MAML3: variants seen among roughly 807,000 people sequenced by gnomAD.
MAML3 encodes the protein mastermind like transcriptional coactivator 3.
Under a neutral mutation model 101.9 loss-of-function variants are expected in MAML3, and 27 were observed. The ratio of observed to expected loss-of-function variants is 0.27; its 90% CI spans 0.20 to 0.37. The LOEUF is 0.37. Among genes scored for constraint, MAML3 ranks in the 10% least tolerant of loss-of-function variants. The pLI is 1.00. For synonymous variants in MAML3, 501 were observed against 555.9 expected (o/e 0.90, Z 1.39); for missense variants, 1,316 against 1,444.9 (o/e 0.91, Z 1.45).
At chr4:140,082,663 C>T (rs1295656751) in intron 1 of MAML3, among the ~76,000 whole-genome samples, 1 of 152,080 alleles carries the variant, frequency 6.6e-6, no homozygotes, top group Non-Finnish European at 1.5e-5. Context: ...TCACACGGGG[C>T]GGGCACAAAG....
chr4:140,152,203 G>A lies in MAML3; in HGVS notation c.468+657C>T, dbSNP rs547697551. 2.0e-3 allele frequency among the ~76,000 whole-genome samples: 299 copies of A among 152,260 alleles called. 1 individual carries two copies. The highest frequency in any genetic ancestry group is 1.6e-3 in the East Asian group (8 of 5,148). On this transcript the variant is annotated intron_variant, in intron 1 of 4. Coordinates refer to ENST00000509479, the MANE Select transcript of MAML3 (RefSeq NM_018717.5). The stretch of plus-strand genomic sequence containing the variant: ...GCGCCCCGCATCCGCGCGCGCTCCC[G>A]CGAGCACCCCCGCGCGCAGCCACCC...
chr4:139,760,146 GAA>G (rs1729726775), intron 2 of MAML3, among the ~76,000 whole-genome samples: 1 of 152,230 alleles, frequency 6.6e-6, no homozygotes, highest in South Asian at 2.1e-4. Flanking sequence ...TGTCAATCTA[GAA>G]AGAGTTCTCT....
chr4:139,975,420 G>A (rs2110799460), intron 1 of MAML3, among the ~76,000 whole-genome samples: 1 of 152,038 alleles, frequency 6.6e-6, no homozygotes, highest in Middle Eastern at 3.4e-3. Context: ...CATACACACA[G>A]GCTCACACAT....
chr4:139,817,230 G>A (rs753214297), intron 2 of MAML3, among the ~76,000 whole-genome samples: 9 of 152,312 alleles, frequency 5.9e-5, no homozygotes, highest in Non-Finnish European at 1.2e-4. Flanking sequence ...GTGAATGGAT[G>A]GATGGATGGA....
chr4:140,144,908 G>T (rs1729031103), intron 1 of MAML3, among the ~76,000 whole-genome samples: 1 of 151,952 alleles, frequency 6.6e-6, no homozygotes, highest in South Asian at 2.1e-4. Context: ...CCCTTTACTG[G>T]GTACCCAGCC....
chr4:140,129,826 A>G (rs753913496), intron 1 of MAML3, among the ~76,000 whole-genome samples: 9 of 152,072 alleles, frequency 5.9e-5, no homozygotes, highest in Non-Finnish European at 1.2e-4. Context: ...TTAGCCAGGC[A>G]TGGTGGCGTG....
intron 1 of MAML3, among the ~76,000 whole-genome samples, chr4:139,942,211 A>AGGCAGGCAGGCAGGCAGGCAGGC (rs879494193): frequency 2.7e-5 from 4 of 148,784 alleles, no homozygotes; most frequent in Non-Finnish European, 5.9e-5. Flanking sequence ...GGCAGGCAGG[A>AGGCAGGCAGGCAGGCAGGCAGGC]AGGAAGACAT....
intron 1 of MAML3, among the ~76,000 whole-genome samples, chr4:140,004,419 C>T (rs1726406973): frequency 1.3e-5 from 2 of 152,286 alleles, no homozygotes; most frequent in African/African-American, 4.8e-5. Flanking sequence ...TTAAAGGCAT[C>T]GCATCTTGTT....
Position 139,719,481 on chromosome 4 carries a change from T to C in MAML3, c.3259A>G (p.Asn1087Asp). ...PSSQSQAYER[N>D]APQDVSYNYS... ...TTGTATGACACGTCCTGAGGGGCAT[T>C]CCGCTCATAGGCTTGGCTCTGGCTG... Residue 1087 changes from asparagine to aspartate, a missense_variant, in exon 5 of 5, where the codon AAT becomes GAT. Asn to Asp is a conservative substitution (Grantham distance 23). Coordinates refer to ENST00000509479, the MANE Select transcript of MAML3 (RefSeq NM_018717.5). 1 of 1,614,014 alleles carries C rather than the reference T, an allele frequency of 6.2e-7. No individual in the cohort carries two copies. Among genetic ancestry groups the C allele is most frequent in the Non-Finnish European group, 8.5e-7 (1 of 1,179,894 alleles).
intron 1 of MAML3, among the ~76,000 whole-genome samples, chr4:140,109,872 C>T (rs1264127144): frequency 6.6e-6 from 1 of 152,208 alleles, no homozygotes; most frequent in Non-Finnish European, 1.5e-5. Flanking sequence ...TTCAATACAG[C>T]TTATCTGTCC....
At chr4:139,903,667 T>G (rs540292839) in intron 1 of MAML3, among the ~76,000 whole-genome samples, 3 of 152,346 alleles carry the variant, frequency 2.0e-5, no homozygotes, top group Admixed American at 2.0e-4. Context: ...TGGGCGCCAA[T>G]GTGATATGAC....
intron 1 of MAML3, among the ~76,000 whole-genome samples, chr4:140,112,716 G>C (rs1170892066): frequency 2.6e-5 from 4 of 152,262 alleles, no homozygotes; most frequent in Non-Finnish European, 5.9e-5. Context: ...AGAACCAGTA[G>C]AGCTTGCCCA....
At position 139,998,144 on chromosome 4, in the gene MAML3, T is replaced by C. The variant is rs185751710; in HGVS notation, c.469-107177A>G. 8.2e-4 allele frequency among the ~76,000 whole-genome samples: 125 copies of C among 152,318 alleles called. No individual in the cohort carries two copies. In the Middle Eastern group the frequency reaches 0.017, roughly 21 times the overall value. On this transcript the variant is annotated intron_variant, in intron 1 of 4. Coordinates refer to ENST00000509479, the MANE Select transcript of MAML3 (RefSeq NM_018717.5). ...TCCCATTATATGTATGCTAGCATGC[T>C]TGAAATTGTTTCACAAGTCTCTCAG... is the stretch of plus-strand genomic sequence containing the variant.
chr4:140,027,166 A>G (rs1278196034), intron 1 of MAML3, among the ~76,000 whole-genome samples: 1 of 152,100 alleles, frequency 6.6e-6, no homozygotes, highest in Non-Finnish European at 1.5e-5. Context: ...TTGAAGAAAA[A>G]TATCCCCGTC....
chr4:139,859,970 G>C (rs997056345), intron 2 of MAML3, among the ~76,000 whole-genome samples: 9 of 152,238 alleles, frequency 5.9e-5, no homozygotes, highest in Non-Finnish European at 8.8e-5. Flanking sequence ...GTGACCGGAC[G>C]AAGGCGTCGC....
At chr4:139,872,820 G>A (rs956803432) in intron 2 of MAML3, among the ~76,000 whole-genome samples, 1 of 152,164 alleles carries the variant, frequency 6.6e-6, no homozygotes, top group South Asian at 2.1e-4. Context: ...GTTCATGCCT[G>A]TAATCCCAGC....
intron 2 of MAML3, among the ~76,000 whole-genome samples, chr4:139,818,456 C>T (rs1730925591): frequency 6.6e-6 from 1 of 152,208 alleles, no homozygotes; most frequent in Non-Finnish European, 1.5e-5. Context: ...TAAAGCAGGA[C>T]TAATCTCTTC....
intron 1 of MAML3, among the ~76,000 whole-genome samples, chr4:139,933,321 T>G (rs1044639563): frequency 1.3e-5 from 2 of 152,084 alleles, no homozygotes; most frequent in Non-Finnish European, 2.9e-5. Context: ...TGAGCATCCT[T>G]AGAGCCAACC....
At chr4:140,038,195 A>G (rs1280987569) in intron 1 of MAML3, among the ~76,000 whole-genome samples, 1 of 147,926 alleles carries the variant, frequency 6.8e-6, no homozygotes, top group Non-Finnish European at 1.5e-5. Context: ...GCTTTACGCA[A>G]AAACATTCCA....
Sources: allele counts gnomAD v4.1 joint callset (sites outside exome capture counted in the v4.1 genomes callset), GRCh38; gene constraint gnomAD v4.1.1; transcripts MANE v1.5; gene names NCBI Gene and HGNC (gene_info 2026-07-23, HGNC 2026-07-21).